Variants in TSPAN7 observed in about 807,000 individuals in gnomAD.
The protein encoded by TSPAN7 is tetraspanin 7.
Under a neutral mutation model 17.6 loss-of-function variants are expected in TSPAN7, and 1 was observed. The ratio of observed to expected loss-of-function variants is 0.06; its 90% CI spans 0.02 to 0.27. The LOEUF (loss-of-function observed/expected upper bound fraction) is 0.27. TSPAN7 is among the 10% of genes least tolerant of loss of function. The pLI is 1.00. For synonymous variants in TSPAN7, 78 were observed against 79.0 expected (o/e 0.99, Z 0.07); for missense variants, 112 against 201.7 (o/e 0.56, Z 2.69).
intron 1 of TSPAN7, among the ~76,000 whole-genome samples, chrX:38,572,151 T>C (rs2069172675): frequency 8.9e-6 from 1 of 111,949 alleles, no homozygotes; most frequent in African/African-American, 3.2e-5. Context: ...ACAGCTGTGT[T>C]AAGCATAGTC....
Position 38,681,124 on chromosome X carries a change from T to C in TSPAN7, c.598-80T>C, listed in dbSNP as rs139760650. On this transcript the variant is annotated intron_variant, in intron 5 of 7. Transcript: ENST00000378482. ...TGCTGAATTAAGGTTGAAGTGTATG[T>C]TGGGAGTGTTTCGAGTACACATAGC... 6.7e-6 allele frequency: 5 copies of C among 749,251 alleles called. No homozygotes were observed. The East Asian group carries it at 1.6e-4, about 24-fold the overall frequency. 61.7% of individuals were successfully genotyped at this position (749,251 alleles called of 1,213,427 possible).
intron 2 of TSPAN7, among the ~76,000 whole-genome samples, chrX:38,669,785 A>G (rs2069808380): frequency 8.9e-6 from 1 of 112,491 alleles, no homozygotes; most frequent in Admixed American, 9.5e-5. Context: ...GAGGTAGTTC[A>G]TAACAAGATA....
chrX:38,662,008 C>T (rs1463815574), intron 1 of TSPAN7, among the ~76,000 whole-genome samples: 1 of 111,064 alleles, frequency 9.0e-6, no homozygotes, highest in African/African-American at 3.3e-5. Context: ...TGGTTTTTAT[C>T]CTTAGTGAGA....
intron 1 of TSPAN7, among the ~76,000 whole-genome samples, chrX:38,565,042 A>C: frequency 9.0e-6 from 1 of 111,572 alleles, no homozygotes; most frequent in East Asian, 2.8e-4. Flanking sequence ...TGCCAAAACC[A>C]AGGTCACAAA....
chrX:38,598,080 G>T (rs1408577780), intron 1 of TSPAN7, among the ~76,000 whole-genome samples: 1 of 110,942 alleles, frequency 9.0e-6, no homozygotes, highest in Non-Finnish European at 1.9e-5. Context: ...TCTTCTTTTT[G>T]GTCAACTTTG....
intron 1 of TSPAN7, among the ~76,000 whole-genome samples, chrX:38,628,469 G>A (rs767967546): frequency 1.8e-5 from 2 of 112,028 alleles, no homozygotes; most frequent in South Asian, 7.5e-4. Context: ...CCTTACCGGT[G>A]CATAGTGGGC....
chrX:38,612,618 G>A (rs2069426464), intron 1 of TSPAN7: 1 of 111,653 alleles, frequency 9.0e-6, no homozygotes, highest in Non-Finnish European at 1.9e-5. Context: ...TTGCTTGCTG[G>A]TTTTAGTGGA....
chrX:38,626,379 A>G (rs909801793), intron 1 of TSPAN7, among the ~76,000 whole-genome samples: 2 of 112,258 alleles, frequency 1.8e-5, no homozygotes, highest in Admixed American at 9.4e-5. Flanking sequence ...CTTTAAAAAT[A>G]TAAAAAGATT....
chrX:38,635,005 C>T (rs929038967), intron 1 of TSPAN7, among the ~76,000 whole-genome samples: 1 of 110,798 alleles, frequency 9.0e-6, no homozygotes, highest in African/African-American at 3.3e-5. Flanking sequence ...GGATGTGGCC[C>T]CTGGGTCGGG....
intron 1 of TSPAN7, chrX:38,563,025 G>A (rs886085081): frequency 1.0e-6 from 1 of 968,523 alleles, no homozygotes; most frequent in African/African-American, 2.0e-5. Context: ...ATGGCAAACC[G>A]GACTGTTTGC....
intron 1 of TSPAN7, among the ~76,000 whole-genome samples, chrX:38,591,272 A>G (rs1244802603): frequency 9.1e-6 from 1 of 109,739 alleles, no homozygotes; most frequent in Non-Finnish European, 1.9e-5. Context: ...TTCTCTTTTG[A>G]TTTTTTTCTT....
At chrX:38,659,581 C>T (rs1220050384) in intron 1 of TSPAN7, among the ~76,000 whole-genome samples, 1 of 110,706 alleles carries the variant, frequency 9.0e-6, no homozygotes, top group Non-Finnish European at 1.9e-5. Flanking sequence ...TGCCCAAAGT[C>T]ACACAGCTCA....
intron 1 of TSPAN7, among the ~76,000 whole-genome samples, chrX:38,586,185 C>T (rs971488586): frequency 8.9e-6 from 1 of 112,087 alleles, no homozygotes; most frequent in Non-Finnish European, 1.9e-5. Context: ...TTCAAGTCCC[C>T]TCAGTGGCTC....
chrX:38,683,662 C>A (rs1238747217), intron 6 of TSPAN7, among the ~76,000 whole-genome samples: 1 of 112,821 alleles, frequency 8.9e-6, no homozygotes, highest in African/African-American at 3.2e-5. Flanking sequence ...CAGCCAGATG[C>A]ACCAGGAACT....
intron 1 of TSPAN7, among the ~76,000 whole-genome samples, chrX:38,615,524 G>A (rs186260292): frequency 9.4e-6 from 1 of 106,016 alleles, no homozygotes; most frequent in East Asian, 3.3e-4. Context: ...ATGTGCATTC[G>A]GGGTCTTTTA....
At chrX:38,580,161 T>C (rs755733610) in intron 1 of TSPAN7, among the ~76,000 whole-genome samples, 7 of 112,025 alleles carry the variant, frequency 6.2e-5, no homozygotes, top group Non-Finnish European at 1.1e-4. Context: ...TGTCTATGGC[T>C]GCTTTCACAC....
At chrX:38,571,663 AT>A (rs2069170037) in intron 1 of TSPAN7, among the ~76,000 whole-genome samples, 1 of 110,933 alleles carries the variant, frequency 9.0e-6, no homozygotes, top group African/African-American at 3.3e-5. Context: ...CACCAAGGAC[AT>A]TTAAAAACAC....
intron 1 of TSPAN7, among the ~76,000 whole-genome samples, chrX:38,571,802 A>G (rs1471339902): frequency 9.0e-6 from 1 of 111,061 alleles, no homozygotes; most frequent in Non-Finnish European, 1.9e-5. Context: ...TGGGGCTGTG[A>G]TGCCATTTGA....
intron 1 of TSPAN7, among the ~76,000 whole-genome samples, chrX:38,579,877 C>T (rs2147399499): frequency 9.0e-6 from 1 of 111,497 alleles, no homozygotes; most frequent in Admixed American, 9.5e-5. Flanking sequence ...CCTACATCTC[C>T]TCCTCTCTGT....
Sources: gnomAD v4.1 joint callset for allele counts (sites outside exome capture counted in the v4.1 genomes callset) on GRCh38, gnomAD v4.1.1 for gene constraint, MANE v1.5 for transcripts, NCBI Gene and HGNC (gene_info 2026-07-23, HGNC 2026-07-21) for gene names.